TIAM2: variants seen among roughly 807,000 people sequenced by gnomAD.
TIAM2 encodes rho guanine nucleotide exchange factor TIAM2.
A neutral mutation model predicts 152.9 loss-of-function variants in TIAM2; 80 were observed. That is an observed-to-expected ratio of 0.52 (90% CI 0.44 to 0.63). The LOEUF is 0.63. Ranked by LOEUF, TIAM2 falls within the 30% of genes least tolerant of loss-of-function variation. The pLI is 0.00. For missense variants in TIAM2, 1,965 were observed against 2,120.1 expected (o/e 0.93, Z 1.44); for synonymous variants, 804 against 838.0 (o/e 0.96, Z 0.70).
chr6:155,187,573 C>CCTTTTTTTTTTTTTTTTTT (rs1189509294), intron 14 of TIAM2, among the ~76,000 whole-genome samples: 3 of 49,622 alleles, frequency 6.0e-5, no homozygotes, highest in African/African-American at 7.9e-5. Context: ...ACCCCGCCCC[C>CCTTTTTTTTTTTTTTTTTT]TTTTTTTTTT....
At chr6:155,203,069 A>AAAAAAAAAAAAAG (rs1562352496) in intron 14 of TIAM2, among the ~76,000 whole-genome samples, 7 of 148,724 alleles carry the variant, frequency 4.7e-5, no homozygotes, top group African/African-American at 1.7e-4. Context: ...AAAAAAAAAA[A>AAAAAAAAAAAAAG]AGAGAAAGAT....
At chr6:155,246,033 C>A (rs1177976127) in intron 19 of TIAM2, among the ~76,000 whole-genome samples, 4 of 151,698 alleles carry the variant, frequency 2.6e-5, no homozygotes, top group Non-Finnish European at 4.4e-5. Flanking sequence ...CAACCCCAAA[C>A]CCTAGATGGG....
At chr6:155,183,598 T>G in intron 14 of TIAM2, 98 bp downstream of exon 14, 13 of 1,394,484 alleles carry the variant, frequency 9.3e-6, no homozygotes, top group Non-Finnish European at 1.2e-5. Flanking sequence ...TTTAAGCTGT[T>G]CAAAGAATGT....
At chr6:155,107,705 T>C (rs1344954745) in intron 2 of TIAM2, among the ~76,000 whole-genome samples, 2 of 152,252 alleles carry the variant, frequency 1.3e-5, no homozygotes, top group Non-Finnish European at 2.9e-5. Context: ...TTTGTCTTTT[T>C]GTCTTAAACT....
intron 2 of TIAM2, among the ~76,000 whole-genome samples, chr6:155,103,357 G>A (rs1318132037): frequency 2.0e-5 from 3 of 152,268 alleles, no homozygotes; most frequent in Non-Finnish European, 4.4e-5. Context: ...ATGTGTACAG[G>A]AGGTTCTGGC....
At chr6:155,071,971 A>G (rs1179147889) in intron 1 of TIAM2, among the ~76,000 whole-genome samples, 4 of 152,144 alleles carry the variant, frequency 2.6e-5, no homozygotes, top group Admixed American at 1.3e-4. Flanking sequence ...ACGTTTTAGA[A>G]TGAACCGCTG....
chr6:155,011,737 A>G (rs1456251612), intron 1 of TIAM2, among the ~76,000 whole-genome samples: 1 of 152,222 alleles, frequency 6.6e-6, no homozygotes, highest in Non-Finnish European at 1.5e-5. Context: ...AAACCAGTCA[A>G]CTCTCTTATG....
At position 155,240,665 on chromosome 6, in the gene TIAM2, A is replaced by G. The variant is rs1483156268; in HGVS notation, c.3304A>G (p.Lys1102Glu). ...RHLSDADRLR[K>E]VIQELVDTEK... ...CCTGTCTGATGCAGACCGCCTCCGC[A>G]AAGTCATCCAGGAGCTTGTGGACAC... Residue 1102 changes from lysine to glutamate, a missense_variant, in exon 16 of 27, where the codon AAA becomes GAA. This residue lies in a region of TIAM2 where 935 missense variants were observed against 980.0 expected (regional missense o/e 0.95). Transcript: ENST00000682666. 1 of 1,613,672 alleles carries G rather than the reference A, an allele frequency of 6.2e-7. No homozygotes were observed. Among genetic ancestry groups the G allele is most frequent in the East Asian group, 2.2e-5 (1 of 44,900 alleles).
At chr6:155,101,632 G>A (rs1393400741) in intron 2 of TIAM2, among the ~76,000 whole-genome samples, 1 of 152,170 alleles carries the variant, frequency 6.6e-6, no homozygotes, top group African/African-American at 2.4e-5. Flanking sequence ...AAAGAATATG[G>A]AAGGAGTTTT....
At chr6:155,105,983 ATTTATTTTATTTTAT>A (rs148796945) in intron 2 of TIAM2, among the ~76,000 whole-genome samples, 1 of 140,524 alleles carries the variant, frequency 7.1e-6, no homozygotes, top group South Asian at 2.3e-4. Flanking sequence ...GGGTATTTTT[ATTTATTTTATTTTAT>A]TTTATTTTAT....
chr6:155,070,018 T>C (rs2114951895), intron 1 of TIAM2, among the ~76,000 whole-genome samples: 1 of 150,804 alleles, frequency 6.6e-6, no homozygotes, highest in African/African-American at 2.4e-5. Flanking sequence ...GCAATTCCTG[T>C]GCCTCAGCCT....
In TIAM2 at chr6:155,021,153, A is replaced by T. The variant is rs553160667; in HGVS notation, c.-209+25661A>T. Among the ~76,000 whole-genome samples the T allele has an allele frequency of 1.3e-4, 20 of 152,024 alleles. No homozygotes were observed. The South Asian group carries it at 3.3e-3, about 25-fold the overall frequency. Reference sequence around the variant, plus strand: ...GGTCCACAGACATTTGGGTTTTTCTACTTTTTGGCTACTGTCAATATGGTA... The same window carrying T: ...GGTCCACAGACATTTGGGTTTTTCTTCTTTTTGGCTACTGTCAATATGGTA... On this transcript the variant is annotated intron_variant, in intron 1 of 26. Coordinates refer to ENST00000682666, the MANE Select transcript of TIAM2 (RefSeq NM_012454.4).
intron 1 of TIAM2, among the ~76,000 whole-genome samples, chr6:155,067,719 C>T (rs549603032): frequency 7.2e-5 from 11 of 152,290 alleles, no homozygotes; most frequent in African/African-American, 2.6e-4. Flanking sequence ...TGGCTCACTG[C>T]AGCCTCCACC....
intron 1 of TIAM2, among the ~76,000 whole-genome samples, chr6:155,022,023 A>T (rs143678703): frequency 6.6e-6 from 1 of 152,190 alleles, no homozygotes; most frequent in Non-Finnish European, 1.5e-5. Context: ...ATTGCCAACT[A>T]GTAGCATCTG....
At position 155,211,229 on chromosome 6, in the gene TIAM2, A is replaced by G. The variant is rs201988217; in HGVS notation, c.3090A>G (p.Thr1030=). The change falls in exon 15 of 27, where the codon ACA becomes ACG. Residue 1030 remains threonine (T), a synonymous_variant. Transcript: ENST00000682666. ...ANDFSNVPDI[T]TGLKRSQTDG... ...ATTTCAGCAACGTCCCTGATATCAC[A>G]ACAGGTCTGAAAAGGAGTCAGACAG... The G allele has an allele frequency of 1.5e-4, 234 of 1,613,562 alleles. 4 individuals carry two copies. The South Asian group carries it at 2.3e-3, about 16-fold the overall frequency.
rs566494160 is a variant in TIAM2 at position 155,153,125 on chromosome 6, C to T, written c.2028+4791C>T. Among the ~76,000 whole-genome samples the T allele has an allele frequency of 3.9e-5, 6 of 152,210 alleles. No homozygotes were observed. The East Asian group carries it at 1.2e-3, about 29-fold the overall frequency. On this transcript the variant is annotated intron_variant, in intron 7 of 26. Coordinates refer to ENST00000682666, the MANE Select transcript of TIAM2 (RefSeq NM_012454.4). ...ATCATCACTTTAGTTATTTTAAGTG[C>T]ACCTTTCTAATGCTACTAATTTTTC...
rs749624139 is a variant in TIAM2 at position 155,179,124 on chromosome 6, A to G, written c.2609A>G (p.Tyr870Cys). The change falls in exon 11 of 27, where the codon TAT becomes TGT. Residue 870 changes from tyrosine (Y) to cysteine (C), a missense_variant. By Grantham distance (194) the Tyr-to-Cys change is radical. Coordinates refer to ENST00000682666, the MANE Select transcript of TIAM2 (RefSeq NM_012454.4). ...DNVEYCIPAP[Y>C]EYMQQQVYDE... ...GTTGAGTATTGCATCCCTGCACCAT[A>G]TGAATATATGCAACAACAGGTAAGT... 1.9e-6 allele frequency: 3 copies of G among 1,613,786 alleles called. No individual in the cohort carries two copies. Among genetic ancestry groups the G allele is most frequent in the Middle Eastern group, 1.7e-4 (1 of 6,060 alleles).
chr6:155,019,957 G>T (rs564406127), intron 1 of TIAM2, among the ~76,000 whole-genome samples: 3 of 152,248 alleles, frequency 2.0e-5, no homozygotes, highest in Non-Finnish European at 4.4e-5. Context: ...GGAGGCTGAG[G>T]CAGGAGAATC....
rs1381477821 is a variant in TIAM2, at chr6:155,029,463, A to AGT, written c.-209+33971_-209+33972insGT. ...TTATACTATAGTATATATTATATATAATATATACTATAGTATATATACTAT... is the reference window on the plus strand; with the variant it reads ...TTATACTATAGTATATATTATATATAGTATATATACTATAGTATATATACTAT... On this transcript the variant is annotated intron_variant, in intron 1 of 26. Transcript: ENST00000682666. Among the ~76,000 whole-genome samples, 10 of 52,828 alleles carry AGT rather than the reference A, an allele frequency of 1.9e-4. 2 individuals carry two copies. Among genetic ancestry groups the AGT allele is most frequent in the Non-Finnish European group, 3.3e-4 (10 of 30,280 alleles). The allele number at this position is 52,828 out of a possible 152,430, so 34.7% of individuals were successfully genotyped here.
Sources: allele counts gnomAD v4.1 joint callset (sites outside exome capture counted in the v4.1 genomes callset), GRCh38; gene constraint gnomAD v4.1.1; regional missense constraint gnomAD v4.1.1; transcripts MANE v1.5; gene names NCBI Gene and HGNC (gene_info 2026-07-23, HGNC 2026-07-21).